ZNF804A: variants seen among roughly 807,000 people sequenced by gnomAD.
The protein encoded by ZNF804A is zinc finger protein 804A.
A neutral mutation model predicts 16.5 loss-of-function variants in ZNF804A; 2 were observed. The observed-to-expected ratio is 0.12, with a 90% CI of 0.05 to 0.38. The LOEUF (loss-of-function observed/expected upper bound fraction) is 0.38, where lower values mean the gene tolerates loss of function less well. Among genes scored for constraint, ZNF804A ranks in the 10% least tolerant of loss-of-function variants. The pLI is 0.99. For synonymous variants in ZNF804A, 534 were observed against 489.6 expected, an observed-to-expected ratio of 1.09 and a Z score of -1.20; for missense variants, 1,473 against 1,390.7, an observed-to-expected ratio of 1.06 and a Z score of -0.94.
intron 1 of ZNF804A, among the ~76,000 whole-genome samples, chr2:184,628,363 G>A (rs1438975700): frequency 1.3e-5 from 2 of 151,898 alleles, no homozygotes; most frequent in Non-Finnish European, 2.9e-5. Flanking sequence ...TTTTAAGGCT[G>A]ATCTGGTAAT....
rs888619473 is a variant in ZNF804A, at chr2:184,684,021, A to G, written c.111+84951A>G. Among the ~76,000 whole-genome samples, 3 of 152,246 alleles carry G rather than the reference A, an allele frequency of 2.0e-5. No homozygotes were observed. The East Asian group carries it at 5.8e-4, about 29-fold the overall frequency. On this transcript the variant is annotated intron_variant, in intron 1 of 3. Transcript: ENST00000302277. Reference sequence around the variant, plus strand: ...GTCTCTTACCTTGATCTCCTCTTCCATATTTAGTTTGCTATTCCTTTAAAA... The same window carrying G: ...GTCTCTTACCTTGATCTCCTCTTCCGTATTTAGTTTGCTATTCCTTTAAAA...
chr2:184,636,950 ATAACTTTATCTCTG>A (rs1182288670), intron 1 of ZNF804A, among the ~76,000 whole-genome samples: 1 of 152,148 alleles, frequency 6.6e-6, no homozygotes, highest in Non-Finnish European at 1.5e-5. Flanking sequence ...TCAGCTCAGA[ATAACTTTATCTCTG>A]ATATACACTC....
At chr2:184,640,801 G>A (rs953492015) in intron 1 of ZNF804A, among the ~76,000 whole-genome samples, 13 of 152,010 alleles carry the variant, frequency 8.6e-5, no homozygotes, top group African/African-American at 2.7e-4. Context: ...TTAAGCAAAC[G>A]AAATACATGG....
chr2:184,741,862 G>A lies in ZNF804A; in HGVS notation c.112-124507G>A, dbSNP rs74934828. On this transcript the variant is annotated intron_variant, in intron 1 of 3. Coordinates refer to ENST00000302277, the MANE Select transcript of ZNF804A (RefSeq NM_194250.2). ...GCAAAATGTTAATTGTGTCTTAATA[G>A]TTTCTGTTTCAGTGTACAAGTAATT... Among the ~76,000 whole-genome samples, 19 of 152,122 alleles carry A rather than the reference G, an allele frequency of 1.2e-4. No homozygotes were observed. The East Asian group carries it at 3.5e-3, about 28-fold the overall frequency.
chr2:184,864,079 C>G (rs974536854), intron 1 of ZNF804A, among the ~76,000 whole-genome samples: 1 of 152,102 alleles, frequency 6.6e-6, no homozygotes, highest in Non-Finnish European at 1.5e-5. Context: ...ATACTTGAGG[C>G]TGGGTAATTT....
chr2:184,682,737 G>A (rs1191964834), intron 1 of ZNF804A, among the ~76,000 whole-genome samples: 1 of 152,126 alleles, frequency 6.6e-6, no homozygotes, highest in Non-Finnish European at 1.5e-5. Context: ...TCCACCCCCG[G>A]TAAGTTAGAT....
chr2:184,725,107 G>A (rs2105744531), intron 1 of ZNF804A, among the ~76,000 whole-genome samples: 2 of 151,674 alleles, frequency 1.3e-5, no homozygotes, highest in Admixed American at 1.3e-4. Flanking sequence ...GACTAGTTCT[G>A]CATATTGATT....
At chr2:184,914,258 G>A (rs1207136661) in intron 2 of ZNF804A, among the ~76,000 whole-genome samples, 1 of 152,102 alleles carries the variant, frequency 6.6e-6, no homozygotes, top group Non-Finnish European at 1.5e-5. Context: ...CATTCCCACA[G>A]TAATTCTAGG....
intron 1 of ZNF804A, among the ~76,000 whole-genome samples, chr2:184,815,607 CTTA>C (rs1275119401): frequency 1.3e-5 from 2 of 151,718 alleles, no homozygotes; most frequent in East Asian, 1.9e-4. Context: ...ATATGCTAGT[CTTA>C]TTATTTAATA....
intron 1 of ZNF804A, among the ~76,000 whole-genome samples, chr2:184,735,048 T>C (rs1360739062): frequency 2.6e-5 from 4 of 152,180 alleles, no homozygotes; most frequent in African/African-American, 9.7e-5. Context: ...AATACAGGTC[T>C]TTATATTTAA....
At chr2:184,845,574 CT>C (rs753566274) in intron 1 of ZNF804A, among the ~76,000 whole-genome samples, 42 of 152,228 alleles carry the variant, frequency 2.8e-4, no homozygotes, top group Non-Finnish European at 5.7e-4. Flanking sequence ...ATTCCTTCCC[CT>C]GGCTGGAACA....
intron 1 of ZNF804A, among the ~76,000 whole-genome samples, chr2:184,793,566 G>A (rs1258191307): frequency 6.6e-6 from 1 of 152,074 alleles, no homozygotes; most frequent in Non-Finnish European, 1.5e-5. Context: ...CCATTTGTAT[G>A]TCTATTTTGT....
At chr2:184,919,040 A>G (rs1685492969) in intron 2 of ZNF804A, among the ~76,000 whole-genome samples, 2 of 152,180 alleles carry the variant, frequency 1.3e-5, no homozygotes, top group Non-Finnish European at 2.9e-5. Flanking sequence ...AAGAGAAGTT[A>G]ATTTCTTAAG....
At chr2:184,720,180 A>G (rs553170424) in intron 1 of ZNF804A, among the ~76,000 whole-genome samples, 21 of 152,296 alleles carry the variant, frequency 1.4e-4, no homozygotes, top group Non-Finnish European at 2.6e-4. Flanking sequence ...TCATGAGAAC[A>G]GTGCAGGAAA....
At chr2:184,855,583 C>T (rs1277822869) in intron 1 of ZNF804A, among the ~76,000 whole-genome samples, 2 of 148,308 alleles carry the variant, frequency 1.3e-5, no homozygotes, top group African/African-American at 5.0e-5. Context: ...TATATATATA[C>T]TGTAATGTAC....
At chr2:184,777,403 A>T (rs1268589037) in intron 1 of ZNF804A, among the ~76,000 whole-genome samples, 1 of 151,594 alleles carries the variant, frequency 6.6e-6, no homozygotes, top group Non-Finnish European at 1.5e-5. Context: ...CAGATTAGTG[A>T]CTTTTTTAAA....
intron 2 of ZNF804A, among the ~76,000 whole-genome samples, chr2:184,928,483 G>A (rs1574274687): frequency 6.6e-6 from 1 of 152,246 alleles, no homozygotes; most frequent in East Asian, 1.9e-4. Flanking sequence ...GGGAGGGGGA[G>A]GAGTGGCATC....
intron 1 of ZNF804A, among the ~76,000 whole-genome samples, chr2:184,859,661 GT>G (rs1343231378): frequency 5.3e-5 from 8 of 152,088 alleles, no homozygotes; most frequent in African/African-American, 1.9e-4. Flanking sequence ...TATATCCTTG[GT>G]TTTTCATGGT....
rs550981332 is a variant in ZNF804A, at chr2:184,909,246, G to A, written c.256-24357G>A. ...CGAGGAAAATGTAGCAAAATTAACA[G>A]ATGAGTTCAGAAGACAAGTTAAGTA... On this transcript the variant is annotated intron_variant, in intron 2 of 3. Coordinates refer to ENST00000302277, the MANE Select transcript of ZNF804A (RefSeq NM_194250.2). 5.9e-5 allele frequency among the ~76,000 whole-genome samples: 9 copies of A among 152,212 alleles called. 1 individual carries two copies. Among genetic ancestry groups the A allele is most frequent in the African/African-American group, 2.2e-4 (9 of 41,566 alleles).
Sources: allele counts gnomAD v4.1 joint callset (sites outside exome capture counted in the v4.1 genomes callset), GRCh38; gene constraint gnomAD v4.1.1; transcripts MANE v1.5; gene names NCBI Gene and HGNC (gene_info 2026-07-23, HGNC 2026-07-21).